Variants in ETV6 observed in about 807,000 individuals in gnomAD.
ETV6 encodes transcription factor ETV6.
ETV6 carries 16 observed loss-of-function variants against 51.1 expected under a neutral mutation model. The observed-to-expected ratio is 0.31, with a 90% confidence interval of 0.21 to 0.48. The LOEUF (loss-of-function observed/expected upper bound fraction) is 0.48. Ranked by LOEUF, ETV6 falls within the 20% of genes least tolerant of loss-of-function variation. The pLI, the probability that ETV6 is intolerant of heterozygous loss-of-function variation, is 0.99. For synonymous variants in ETV6, 240 were observed against 224.1 expected (o/e 1.07, Z -0.64); for missense variants, 458 against 594.8 (o/e 0.77, Z 2.39).
rs1266149349 is a variant in ETV6, at chr12:11,890,890, A to T, written c.1254-51A>T. ...ATACAGGCTAGAGTTCAGAGTGAAGACAGCTTTAGGAAAATGGAATCTCTT... is the reference window on the plus strand; with the variant it reads ...ATACAGGCTAGAGTTCAGAGTGAAGTCAGCTTTAGGAAAATGGAATCTCTT... On this transcript the variant is annotated intron_variant, in intron 7 of 7. Coordinates refer to ENST00000396373, the MANE Select transcript of ETV6 (RefSeq NM_001987.5). 4.3e-6 allele frequency: 6 copies of T among 1,394,748 alleles called. No homozygotes were observed. In the South Asian group the frequency reaches 5.8e-5, roughly 13 times the overall value. The allele number at this position is 1,394,748 out of a possible 1,614,324, so 86.4% of individuals were successfully genotyped here.
chr12:11,854,581 C>A (rs972024905), intron 4 of ETV6, among the ~76,000 whole-genome samples: 1 of 152,132 alleles, frequency 6.6e-6, no homozygotes, highest in African/African-American at 2.4e-5. Flanking sequence ...CAAACATACT[C>A]CAAATAGAAT....
At chr12:11,840,410 G>A in intron 3 of ETV6, 2 of 456,064 alleles carry the variant, frequency 4.4e-6, no homozygotes, top group Admixed American at 2.3e-5. Flanking sequence ...CCTCTTGCGG[G>A]ATTAATTACT....
intron 2 of ETV6, among the ~76,000 whole-genome samples, chr12:11,777,993 C>G (rs1173992345): frequency 1.3e-5 from 2 of 152,194 alleles, no homozygotes; most frequent in Non-Finnish European, 2.9e-5. Context: ...CACAGCAGGA[C>G]TCGGCTCACC....
rs1361099092 is a variant in ETV6 at position 11,891,577 on chromosome 12, CCTGTTA to C, written c.*537_*542del. Reference sequence around the variant, plus strand: ...TCCTGCCACGTGGATCAGGTCTGTTCCTGTTACTGTTGGGTCTTGGCTGAAAAAAAA... The same window carrying C: ...TCCTGCCACGTGGATCAGGTCTGTTCCTGTTGGGTCTTGGCTGAAAAAAAA... On this transcript the variant is annotated 3_prime_UTR_variant, in exon 8 of 8. Coordinates refer to ENST00000396373, the MANE Select transcript of ETV6 (RefSeq NM_001987.5). 1.9e-6 allele frequency: 1 copy of C among 535,062 alleles called. No homozygotes were observed. Among genetic ancestry groups the C allele is most frequent in the East Asian group, 3.9e-5 (1 of 25,680 alleles). 33.1% of individuals were successfully genotyped at this position (535,062 alleles called of 1,614,324 possible).
chr12:11,752,396 C>G, intron 1 of ETV6, 54 bp from the exon 2 acceptor site: 1 of 1,574,396 alleles, frequency 6.4e-7, no homozygotes, highest in South Asian at 1.1e-5. Context: ...ACCTCCATTC[C>G]AAGCTTTCAT....
At chr12:11,847,509 A>C (rs558492105) in intron 3 of ETV6, among the ~76,000 whole-genome samples, 3 of 152,238 alleles carry the variant, frequency 2.0e-5, no homozygotes, top group Non-Finnish European at 4.4e-5. Context: ...GGGCTGGAGA[A>C]GGAGGAAGAG....
rs572221383 is a variant in ETV6, at chr12:11,875,021, TGTACCCTAAAACTTA to T, written c.1009+5053_1009+5067del. Among the ~76,000 whole-genome samples, 3 of 147,098 alleles carry T rather than the reference TGTACCCTAAAACTTA, an allele frequency of 2.0e-5. No homozygotes were observed. In the South Asian group the frequency reaches 6.9e-4, roughly 34 times the overall value. On this transcript the variant is annotated intron_variant, in intron 5 of 7. Transcript: ENST00000396373. Reference sequence around the variant, plus strand: ...GTAACAAACCTGCACATTGTGCACATGTACCCTAAAACTTAAAGTATAATTAAAAAAAAAAGATAC... The same window carrying T: ...GTAACAAACCTGCACATTGTGCACATAAGTATAATTAAAAAAAAAAGATAC...
At chr12:11,752,281 A>C (rs367809610) in intron 1 of ETV6, among the ~76,000 whole-genome samples, 169 bp from the exon 2 acceptor site, 3 of 152,154 alleles carry the variant, frequency 2.0e-5, no homozygotes, top group African/African-American at 7.2e-5. Flanking sequence ...TCTGAAAGAC[A>C]ACTGTATACA....
intron 1 of ETV6, among the ~76,000 whole-genome samples, chr12:11,667,537 C>CTTTCTT (rs145885176): frequency 7.4e-6 from 1 of 135,622 alleles, no homozygotes; most frequent in Non-Finnish European, 1.5e-5. Context: ...GGTTTATTTT[C>CTTTCTT]TTTTTTTTTT....
chr12:11,822,537 G>A (rs933242475), intron 2 of ETV6, among the ~76,000 whole-genome samples: 2 of 152,172 alleles, frequency 1.3e-5, no homozygotes, highest in African/African-American at 2.4e-5. Context: ...TTATAAAACC[G>A]GAAGAGTGTT....
At chr12:11,718,579 A>G (rs1301436393) in intron 1 of ETV6, among the ~76,000 whole-genome samples, 1 of 151,420 alleles carries the variant, frequency 6.6e-6, no homozygotes, top group Non-Finnish European at 1.5e-5. Flanking sequence ...CAGCCTGGGC[A>G]ACATGACGAA....
chr12:11,857,749 G>A (rs1417590604), intron 4 of ETV6, among the ~76,000 whole-genome samples: 5 of 152,166 alleles, frequency 3.3e-5, no homozygotes, highest in Non-Finnish European at 2.9e-5. Context: ...CGGGAAACCA[G>A]GTCCTAACCC....
At chr12:11,765,048 T>G (rs1591658046) in intron 2 of ETV6, among the ~76,000 whole-genome samples, 1 of 152,296 alleles carries the variant, frequency 6.6e-6, no homozygotes, top group Admixed American at 6.5e-5. Context: ...TAGTGTTGAG[T>G]TCCCCTTTGA....
At chr12:11,710,199 C>G (rs1025618812) in intron 1 of ETV6, among the ~76,000 whole-genome samples, 1 of 152,202 alleles carries the variant, frequency 6.6e-6, no homozygotes, top group African/African-American at 2.4e-5. Context: ...TTTTAGTATT[C>G]TGTCCCCTCC....
At chr12:11,697,196 T>G (rs76212946) in intron 1 of ETV6, among the ~76,000 whole-genome samples, 3,453 of 152,244 alleles carry the variant, frequency 0.023, 121 homozygotes, top group African/African-American at 0.078. Context: ...TGAAATTTCT[T>G]GGGGACTGAC....
chr12:11,847,044 G>A (rs573328953), intron 3 of ETV6, among the ~76,000 whole-genome samples: 86 of 152,248 alleles, frequency 5.6e-4, no homozygotes, highest in African/African-American at 1.6e-3. Flanking sequence ...AAGGTGCGGC[G>A]GTGAAAAGTG....
At chr12:11,724,655 A>T (rs569825244) in intron 1 of ETV6, among the ~76,000 whole-genome samples, 1 of 152,304 alleles carries the variant, frequency 6.6e-6, no homozygotes, top group Admixed American at 6.5e-5. Context: ...AAGAATAAAG[A>T]GTTGAGGGGA....
At chr12:11,740,192 G>A (rs1320092206) in intron 1 of ETV6, among the ~76,000 whole-genome samples, 1 of 152,194 alleles carries the variant, frequency 6.6e-6, no homozygotes, top group Non-Finnish European at 1.5e-5. Context: ...GTAATCGTCA[G>A]TGTAGATTTC....
rs539637475 is a variant in ETV6 at position 11,667,615 on chromosome 12, G to T, written c.33+17455G>T. The stretch of plus-strand genomic sequence containing the variant: ...TGGCATGATCATAGCTCACTGCCTC[G>T]ACCTCCTGGGCTCCAGCGATCCTCC... On this transcript the variant is annotated intron_variant, in intron 1 of 7. Coordinates refer to ENST00000396373, the MANE Select transcript of ETV6 (RefSeq NM_001987.5). 3.3e-3 allele frequency among the ~76,000 whole-genome samples: 485 copies of T among 148,964 alleles called. 5 individuals carry two copies. Among genetic ancestry groups the T allele is most frequent in the African/African-American group, 0.011 (454 of 40,424 alleles).
Sources: allele counts gnomAD v4.1 joint callset (sites outside exome capture counted in the v4.1 genomes callset), GRCh38; gene constraint gnomAD v4.1.1; transcripts MANE v1.5; gene names NCBI Gene and HGNC (gene_info 2026-07-23, HGNC 2026-07-21).